SLC6A12: variants seen among roughly 807,000 people sequenced by gnomAD.
SLC6A12 encodes the protein solute carrier family 6 member 12.
Under a neutral mutation model 73.3 loss-of-function variants are expected in SLC6A12, and 50 were observed. The observed-to-expected ratio is 0.68, with a 90% CI of 0.54 to 0.86. The LOEUF (loss-of-function observed/expected upper bound fraction) is 0.86, where lower values mean the gene tolerates loss of function less well. SLC6A12 is among the 40% of genes least tolerant of loss of function. The pLI, the probability that SLC6A12 is intolerant of heterozygous loss-of-function variation, is 0.00. For missense variants in SLC6A12, 648 were observed against 772.8 expected, an observed-to-expected ratio of 0.84 and a Z score of 1.92; for synonymous variants, 304 against 309.2, an observed-to-expected ratio of 0.98 and a Z score of 0.18.
intron 6 of SLC6A12, chr12:201,151 G>T: frequency 4.7e-6 from 1 of 211,250 alleles, no homozygotes; most frequent in Non-Finnish European, 9.4e-6. Flanking sequence ...ACATGTGATG[G>T]GGTGCTGGAA....
In SLC6A12 at chr12:198,992, C is replaced by T. The variant is rs775674499; in HGVS notation, c.712-61G>A. On this transcript the variant is annotated intron_variant, in intron 7 of 15. Coordinates refer to ENST00000684302, the MANE Select transcript of SLC6A12 (RefSeq NM_001122848.3). The surrounding 1 kb of genome is among the most constrained non-coding windows in gnomAD (Gnocchi z 4.0). Reference sequence around the variant, plus strand: ...TGGGGACGCAGTGGCCCTCCAGCCACGCCCCACAGGCAGCTCGAGTCACAC... The same window carrying T: ...TGGGGACGCAGTGGCCCTCCAGCCATGCCCCACAGGCAGCTCGAGTCACAC... 7.0e-5 allele frequency: 110 copies of T among 1,571,994 alleles called. No homozygotes were observed. In the Middle Eastern group the frequency reaches 1.0e-3, roughly 15 times the overall value.
At chr12:200,966 A>T (rs1300683007) in intron 6 of SLC6A12, among the ~76,000 whole-genome samples, 183 bp from the exon 7 acceptor site, 2 of 152,114 alleles carry the variant, frequency 1.3e-5, no homozygotes, top group Non-Finnish European at 2.9e-5. Context: ...CCATCATCCT[A>T]TGCATATCTT....
At chr12:200,380 T>C (rs569876831) in intron 7 of SLC6A12, among the ~76,000 whole-genome samples, 1 of 152,186 alleles carries the variant, frequency 6.6e-6, no homozygotes, top group African/African-American at 2.4e-5. Flanking sequence ...AGTGCTGGGA[T>C]TACAGGCGTG....
intron 12 of SLC6A12, among the ~76,000 whole-genome samples, chr12:195,821 T>C (rs1330291718): frequency 2.6e-5 from 4 of 152,156 alleles, no homozygotes; most frequent in Non-Finnish European, 5.9e-5. Flanking sequence ...GGAGCCTTCC[T>C]GAGAGTGCCA....
chr12:187,874 A>C (rs565091), downstream of SLC6A12, among the ~76,000 whole-genome samples: 1 of 151,846 alleles, frequency 6.6e-6, no homozygotes. Context: ...CCCACCAGAG[A>C]AGCTAGATAC....
At chr12:211,092 G>A (rs1031955674) in intron 2 of SLC6A12, 1 of 152,230 alleles carries the variant, frequency 6.6e-6, no homozygotes, top group Non-Finnish European at 1.5e-5. Flanking sequence ...AAGAGGAGGT[G>A]CCCCAGGCTG....
chr12:202,174 A>G (rs1940305587), intron 5 of SLC6A12, among the ~76,000 whole-genome samples: 1 of 151,840 alleles, frequency 6.6e-6, no homozygotes, highest in African/African-American at 2.4e-5. Context: ...CTGTCTCTCC[A>G]CTTGGCAGGC....
At chr12:187,630 A>AAAAAAAC (rs1565461372), downstream of SLC6A12, among the ~76,000 whole-genome samples, 1 of 57,580 alleles carries the variant, frequency 1.7e-5, no homozygotes, top group East Asian at 6.5e-4. Context: ...AAAAAAAAAA[A>AAAAAAAC]ACAAACCACA....
rs771923179 is a variant in SLC6A12, at chr12:198,634, T to C, written c.846+163A>G. The C allele has an allele frequency of 2.0e-5, 13 of 661,952 alleles. No homozygotes were observed. The highest frequency in any genetic ancestry group is 3.0e-5 in the Non-Finnish European group (12 of 406,132). The allele number at this position is 661,952 out of a possible 1,614,324, so 41.0% of individuals were successfully genotyped here. On this transcript the variant is annotated intron_variant, in intron 8 of 15. Coordinates refer to ENST00000684302, the MANE Select transcript of SLC6A12 (RefSeq NM_001122848.3). The surrounding 1 kb of genome is among the most constrained non-coding windows in gnomAD (Gnocchi z 4.0). ...TTGAGTGGTGGAATTACAAGAGATTTTTTTAGTTTCTTTTTTATAGCTTTC... is the reference window on the plus strand; with the variant it reads ...TTGAGTGGTGGAATTACAAGAGATTCTTTTAGTTTCTTTTTTATAGCTTTC...
chr12:196,499 G>A (rs1026342278), intron 11 of SLC6A12, among the ~76,000 whole-genome samples: 9 of 152,190 alleles, frequency 5.9e-5, no homozygotes, highest in African/African-American at 2.2e-4. Context: ...GAGGCTCAGG[G>A]GCTGGGGCTG....
At chr12:195,363 G>A (rs1424213084) in intron 12 of SLC6A12, 36 bp from the exon 13 acceptor site, 6 of 1,343,618 alleles carry the variant, frequency 4.5e-6, no homozygotes, top group Non-Finnish European at 6.4e-6. Context: ...CATGGCCAGT[G>A]CAGAGCTGGG....
At chr12:185,615 GCAAGGACT>G (rs766524799), downstream of SLC6A12, among the ~76,000 whole-genome samples, 12 of 152,246 alleles carry the variant, frequency 7.9e-5, no homozygotes, top group Non-Finnish European at 1.3e-4. Context: ...ACACGAGCCT[GCAAGGACT>G]CAGCCTTGGC....
At chr12:187,153 G>A (rs1291829489), downstream of SLC6A12, among the ~76,000 whole-genome samples, 1 of 152,208 alleles carries the variant, frequency 6.6e-6, no homozygotes, top group African/African-American at 2.4e-5. Context: ...TGGCCAAATT[G>A]TAGCTGCCAG....
chr12:187,543 G>A (rs537076531), downstream of SLC6A12, among the ~76,000 whole-genome samples: 11 of 130,002 alleles, frequency 8.5e-5, no homozygotes, highest in East Asian at 7.4e-4. Context: ...CATAAAGGCA[G>A]AGTAGACCCA....
rs199886374 is a variant in SLC6A12, at chr12:196,783, C to T, written c.1175G>A (p.Gly392Glu). The part of the protein sequence containing the change: ...CLFFIMLIFL[G>E]LDSQFVCVEC... ...GCAGTGACGTACCTGGCTGTCCAGC[C>T]CTAGGAATATGAGCATGATAAAGAA... The change falls in exon 11 of 16, where the codon GGG becomes GAG. Residue 392 changes from glycine to glutamate, a missense_variant. Transcript: ENST00000684302. 5.8e-5 allele frequency: 94 copies of T among 1,612,526 alleles called. No individual in the cohort carries two copies. Among genetic ancestry groups the T allele is most frequent in the Non-Finnish European group, 7.6e-6 (9 of 1,178,974 alleles).
rs745865790 is a variant in SLC6A12, at chr12:204,640, G to A, written c.273C>T (p.Phe91=). The A allele has an allele frequency of 5.0e-6, 8 of 1,614,086 alleles. No homozygotes were observed. The African/African-American group carries it at 5.3e-5, about 11-fold the overall frequency. ...TGTATTGGCCCAACGCCACCTCCAGGAAGAACACCGGGATGCCGCAGACAA... is the reference window on the plus strand; with the variant it reads ...TGTATTGGCCCAACGCCACCTCCAGAAAGAACACCGGGATGCCGCAGACAA... ...FFFVCGIPVF[F]LEVALGQYTS... is the part of the protein sequence containing the mutation. The change falls in exon 4 of 16, where the codon TTC becomes TTT. Residue 91 remains phenylalanine (F), a synonymous_variant. Transcript: ENST00000684302.
At chr12:202,645 T>C in intron 5 of SLC6A12, 95 bp downstream of exon 5, 1 of 1,352,810 alleles carries the variant, frequency 7.4e-7, no homozygotes, top group Non-Finnish European at 1.0e-6. Flanking sequence ...AGGCAGGTTC[T>C]GCTACACTTA....
chr12:204,380 C>T (rs780415614), intron 4 of SLC6A12, among the ~76,000 whole-genome samples, 184 bp downstream of exon 4: 4 of 152,242 alleles, frequency 2.6e-5, no homozygotes, highest in Admixed American at 6.5e-5. Context: ...CCAGCTTGCT[C>T]GGGAGCCAGT....
downstream of SLC6A12, among the ~76,000 whole-genome samples, chr12:185,619 G>T (rs1175604133): frequency 3.3e-5 from 5 of 152,206 alleles, no homozygotes; most frequent in Non-Finnish European, 7.4e-5. Context: ...GAGCCTGCAA[G>T]GACTCAGCCT....
Sources: allele counts gnomAD v4.1 joint callset (sites outside exome capture counted in the v4.1 genomes callset), GRCh38; gene constraint gnomAD v4.1.1; non-coding constraint Gnocchi (gnomAD v3.1); transcripts MANE v1.5; gene names NCBI Gene and HGNC (gene_info 2026-07-23, HGNC 2026-07-21).